Variants in ITSN2 observed in about 807,000 individuals in gnomAD.
The protein encoded by ITSN2 is intersectin 2, also known as intersectin-2.
In ITSN2, 156 loss-of-function variants were observed where a neutral mutation model predicts 243.7. The observed-to-expected ratio is 0.64, with a 90% CI of 0.56 to 0.73. The LOEUF is 0.73. Among genes scored for constraint, ITSN2 ranks in the 30% least tolerant of loss-of-function variants. ITSN2 has a pLI of 0.00. For missense variants in ITSN2, 1,801 were observed against 1,996.1 expected, an observed-to-expected ratio of 0.90 and a Z score of 1.86; for synonymous variants, 703 against 699.9, an observed-to-expected ratio of 1.00 and a Z score of -0.07.
At chr2:24,272,008 T>C in intron 18 of ITSN2, 67 bp from the exon 19 acceptor site, 1 of 1,260,176 alleles carries the variant, frequency 7.9e-7, no homozygotes, top group South Asian at 1.6e-5. Context: ...AAAAACATAC[T>C]AAGATCTGGT....
intron 36 of ITSN2, among the ~76,000 whole-genome samples, chr2:24,208,761 G>A (rs770434226): frequency 6.6e-6 from 1 of 152,246 alleles, no homozygotes; most frequent in Non-Finnish European, 1.5e-5. Flanking sequence ...GAGGGCTGAG[G>A]CCTGTGGCCC....
At position 24,339,646 on chromosome 2, in the gene ITSN2, T is replaced by C. The variant is rs550000840; in HGVS notation, c.-33-11531A>G. ...TAGCTCTGTTTTTGTGTTTTATATATTGAAGCTTCTCTGTAAGATTTCACC... is the reference window on the plus strand; with the variant it reads ...TAGCTCTGTTTTTGTGTTTTATATACTGAAGCTTCTCTGTAAGATTTCACC... On this transcript the variant is annotated intron_variant, in intron 1 of 39. Transcript: ENST00000355123. Among the ~76,000 whole-genome samples, 25 of 152,236 alleles carry C rather than the reference T, an allele frequency of 1.6e-4. 1 individual carries two copies. Among genetic ancestry groups the C allele is most frequent in the African/African-American group, 5.8e-4 (24 of 41,538 alleles).
chr2:24,341,259 A>G (rs1045094455), intron 1 of ITSN2, among the ~76,000 whole-genome samples: 21 of 152,210 alleles, frequency 1.4e-4, no homozygotes, highest in South Asian at 2.1e-4. Context: ...AGACATCTAG[A>G]TGGAAGTGTC....
Position 24,300,133 on chromosome 2 carries a change from CT to C in ITSN2, c.1119del (p.Asn375ThrfsTer11). 2 of 1,614,158 alleles carry C rather than the reference CT, an allele frequency of 1.2e-6. No homozygotes were observed. ...FEDKRKANYE[R>X]GNMELEKRRQ... ...CGTCGCTTTTCCAGCTCCATGTTCC[CT>C]CGCTCATAGTTGGCTTTCCGTTTGT... is the stretch of plus-strand genomic sequence containing the variant. On this transcript the variant is annotated frameshift_variant, in exon 12 of 40. Coordinates refer to ENST00000355123, the MANE Select transcript of ITSN2 (RefSeq NM_006277.3). LOFTEE classifies it high-confidence loss of function.
Position 24,308,494 on chromosome 2 carries a change from C to T in ITSN2, c.793+123G>A, listed in dbSNP as rs144790294. Reference sequence around the variant, plus strand: ...GGTATTTGTATTTATCAAATGCCTGCTAAATTTTTTGGATGTTAAAATGTC... The same window carrying T: ...GGTATTTGTATTTATCAAATGCCTGTTAAATTTTTTGGATGTTAAAATGTC... On this transcript the variant is annotated intron_variant, in intron 8 of 39. Coordinates refer to ENST00000355123, the MANE Select transcript of ITSN2 (RefSeq NM_006277.3). 2,134 of 556,356 alleles carry T rather than the reference C, an allele frequency of 3.8e-3. 8 individuals are homozygous for T. Among genetic ancestry groups the T allele is most frequent in the Admixed American group, 5.0e-3 (159 of 31,672 alleles). 34.5% of individuals were successfully genotyped at this position (556,356 alleles called of 1,614,324 possible).
At chr2:24,248,504 G>T in intron 27 of ITSN2, 125 bp downstream of exon 27, 1 of 663,122 alleles carries the variant, frequency 1.5e-6, no homozygotes, top group Non-Finnish European at 2.4e-6. Flanking sequence ...GTAAAATATT[G>T]ATATTGATTA....
At chr2:24,308,997 C>A (rs1237834369) in intron 7 of ITSN2, 1 of 463,028 alleles carries the variant, frequency 2.2e-6, no homozygotes, top group Non-Finnish European at 4.3e-6. Context: ...GAGTGCAAAC[C>A]CTATTGTGAA....
chr2:24,223,683 C>CCAA (rs757133165), intron 29 of ITSN2, among the ~76,000 whole-genome samples: 144 of 87,342 alleles, frequency 1.6e-3, no homozygotes, highest in East Asian at 5.3e-3. Flanking sequence ...GACCCTGTTT[C>CCAA]AAAAAAAAAA....
chr2:24,294,625 C>T (rs933870306), intron 14 of ITSN2, among the ~76,000 whole-genome samples: 2 of 152,222 alleles, frequency 1.3e-5, no homozygotes, highest in Admixed American at 1.3e-4. Flanking sequence ...CCAGACCCTA[C>T]TGCACAAGTA....
In ITSN2 at chr2:24,209,851, C is replaced by G. The variant is rs749786159; in HGVS notation, c.4440G>C (p.Ser1480=). Residue 1480 remains serine, a synonymous_variant, in exon 35 of 40, where the codon TCG becomes TCC. Transcript: ENST00000355123. ...VSSGSEKLFS[S]KSNAQFKMYK... ...ACATTTTGAATTGAGCATTGGACTTCGAGCTGAAAAGTTTCTCAGAGCCAG... is the reference window on the plus strand; with the variant it reads ...ACATTTTGAATTGAGCATTGGACTTGGAGCTGAAAAGTTTCTCAGAGCCAG... 1.2e-5 allele frequency: 20 copies of G among 1,614,024 alleles called. No individual in the cohort carries two copies. The highest frequency in any genetic ancestry group is 1.6e-5 in the Non-Finnish European group (19 of 1,180,008).
At position 24,205,198 on chromosome 2, in the gene ITSN2, T is replaced by C; in HGVS notation, c.4762+16A>G. The C allele has an allele frequency of 1.2e-6, 2 of 1,608,054 alleles. No homozygotes were observed. Among genetic ancestry groups the C allele is most frequent in the African/African-American group, 1.3e-5 (1 of 74,874 alleles). ...AGGGCAGTTATGTCTGCTGAATGAA[T>C]CAAGGCAGTATTTACCATTTGGTTT... On this transcript the variant is annotated intron_variant, in intron 38 of 39. Transcript: ENST00000355123.
intron 28 of ITSN2, among the ~76,000 whole-genome samples, chr2:24,246,546 T>A (rs77561541): frequency 0.013 from 1,934 of 152,220 alleles, 49 homozygotes; most frequent in African/African-American, 0.044. Context: ...TACTTCACTT[T>A]AAGTATGATG....
chr2:24,330,547 G>A (rs1030200601), intron 1 of ITSN2: 60 of 797,132 alleles, frequency 7.5e-5, no homozygotes, highest in Non-Finnish European at 1.2e-4. Flanking sequence ...GCAAAGAAGG[G>A]AGAGAAGGTA....
intron 17 of ITSN2, among the ~76,000 whole-genome samples, chr2:24,282,576 A>C (rs754883434): frequency 2.6e-5 from 4 of 152,166 alleles, no homozygotes; most frequent in Non-Finnish European, 5.9e-5. Context: ...TATAGACGGC[A>C]AACTAAAAGA....
In ITSN2 at chr2:24,315,121, TA is replaced by T; in HGVS notation, c.124+10del. 6.7e-7 allele frequency: 1 copy of T among 1,483,396 alleles called. No individual in the cohort carries two copies. The highest frequency in any genetic ancestry group is 1.7e-4 in the Middle Eastern group (1 of 5,756). The allele number at this position is 1,483,396 out of a possible 1,614,324, so 91.9% of individuals were successfully genotyped here. On this transcript the variant is annotated intron_variant, in intron 3 of 39. Transcript: ENST00000355123. ...CATAATTCACTAATAAAACTAATTA[TA>T]AATACAAACCTGTTATGTAACCTCC...
At chr2:24,337,315 A>AATATATATATATACAT (rs1278959952) in intron 1 of ITSN2, among the ~76,000 whole-genome samples, 7 of 32,024 alleles carry the variant, frequency 2.2e-4, no homozygotes, top group African/African-American at 4.4e-4. Flanking sequence ...GTATACACAA[A>AATATATATATATACAT]ATATATATAT....
chr2:24,264,559 C>T (rs1676367316), intron 20 of ITSN2, among the ~76,000 whole-genome samples: 1 of 149,060 alleles, frequency 6.7e-6, no homozygotes. Context: ...TTGAGTTAAT[C>T]TGTGTATATG....
intron 9 of ITSN2, among the ~76,000 whole-genome samples, chr2:24,303,044 A>G (rs1681987322): frequency 6.6e-6 from 1 of 152,240 alleles, no homozygotes; most frequent in African/African-American, 2.4e-5. Context: ...AGAAAAGTAC[A>G]GCATATACAA....
At position 24,203,622 on chromosome 2, in the gene ITSN2, A is replaced by G. The variant is rs748492778; in HGVS notation, c.*4T>C. 1.7e-5 allele frequency: 27 copies of G among 1,612,612 alleles called. No homozygotes were observed. In the Middle Eastern group the frequency reaches 1.7e-3, roughly 102 times the overall value. Reference sequence around the variant, plus strand: ...TGTCCCGCTGGTGCTGTCCTTTAGAACCCCTACAGGAGAGTTTTTTGCTCA... The same window carrying G: ...TGTCCCGCTGGTGCTGTCCTTTAGAGCCCCTACAGGAGAGTTTTTTGCTCA... On this transcript the variant is annotated 3_prime_UTR_variant, in exon 40 of 40. Coordinates refer to ENST00000355123, the MANE Select transcript of ITSN2 (RefSeq NM_006277.3).
Sources: gnomAD v4.1 joint callset for allele counts (sites outside exome capture counted in the v4.1 genomes callset) on GRCh38, gnomAD v4.1.1 for gene constraint, MANE v1.5 for transcripts, NCBI Gene and HGNC (gene_info 2026-07-23, HGNC 2026-07-21) for gene names.